Variants in POLQ observed in about 807,000 individuals in gnomAD.
The protein encoded by POLQ is epididymis secretory sperm binding protein.
A neutral mutation model predicts 259.2 loss-of-function variants in POLQ; 233 were observed. The observed-to-expected ratio is 0.90, with a 90% confidence interval of 0.81 to 1.00. The LOEUF is 1.00. POLQ is among the 50% of genes least tolerant of loss of function. The probability of loss-of-function intolerance (pLI) is 0.00; values close to 1 mark genes in which losing one functional copy is unlikely to be tolerated. For synonymous variants in POLQ, 1,025 were observed against 1,048.8 expected (o/e 0.98, Z 0.44); for missense variants, 2,871 against 3,051.6 (o/e 0.94, Z 1.39).
rs980123775 is a variant in POLQ at position 121,432,116 on chromosome 3, G to A, written c.*188C>T. ...ATACTTGGTATTCTACTTCCCCCAC[G>A]CCCCCAGAAGTTTTTGATGCTATAG... On this transcript the variant is annotated 3_prime_UTR_variant, in exon 30 of 30. Coordinates refer to ENST00000264233, the MANE Select transcript of POLQ (RefSeq NM_199420.4). 17 of 461,710 alleles carry A rather than the reference G, an allele frequency of 3.7e-5. No individual in the cohort carries two copies. Among genetic ancestry groups the A allele is most frequent in the Admixed American group, 3.4e-4 (8 of 23,268 alleles). The allele number at this position is 461,710 out of a possible 1,614,324, so 28.6% of individuals were successfully genotyped here.
chr3:121,455,030 G>A (rs945671758), intron 25 of POLQ, among the ~76,000 whole-genome samples: 1 of 152,036 alleles, frequency 6.6e-6, no homozygotes, highest in Non-Finnish European at 1.5e-5. Flanking sequence ...ATAATAAACT[G>A]TCTCTCAGAC....
At chr3:121,444,237 T>C (rs755488083) in intron 26 of POLQ, among the ~76,000 whole-genome samples, 3 of 152,174 alleles carry the variant, frequency 2.0e-5, no homozygotes, top group Non-Finnish European at 4.4e-5. Flanking sequence ...ACATGGAATA[T>C]TTTTTCATAT....
At position 121,476,555 on chromosome 3, in the gene POLQ, T is replaced by C. The variant is rs1191054806; in HGVS notation, c.6390A>G (p.Ser2130=). The change falls in exon 20 of 30, where the codon TCA becomes TCG. Residue 2130 remains serine, a synonymous_variant. Coordinates refer to ENST00000264233, the MANE Select transcript of POLQ (RefSeq NM_199420.4). Reference sequence around the variant, plus strand: ...ATGATACAACCTCAGCGATGTCATCTGAACTGGTGAAAGAAAAACTGTGGC... The same window carrying C: ...ATGATACAACCTCAGCGATGTCATCCGAACTGGTGAAAGAAAAACTGTGGC... ...LAGHSFSFTS[S]DDIAEVLFLE... The C allele has an allele frequency of 6.2e-6, 10 of 1,613,106 alleles. No individual in the cohort carries two copies. The highest frequency in any genetic ancestry group is 2.7e-5 in the African/African-American group (2 of 74,866).
intron 12 of POLQ, among the ~76,000 whole-genome samples, chr3:121,508,016 A>ATTTTTTTTTTTTTTTTTTTT (rs4048669): frequency 2.3e-5 from 3 of 129,648 alleles, no homozygotes; most frequent in Non-Finnish European, 4.7e-5. Flanking sequence ...ACCATACACA[A>ATTTTTTTTTTTTTTTTTTTT]TTTTTTTTTT....
intron 6 of POLQ, 26 bp from the exon 7 acceptor site, chr3:121,529,818 T>G: frequency 6.4e-7 from 1 of 1,560,354 alleles, no homozygotes; most frequent in Non-Finnish European, 8.7e-7. Flanking sequence ...AAATAACCAC[T>G]TTAGTGGTCC....
intron 24 of POLQ, among the ~76,000 whole-genome samples, chr3:121,462,264 GA>G (rs201291140): frequency 2.0e-4 from 30 of 148,212 alleles, no homozygotes; most frequent in East Asian, 7.8e-4. Context: ...AATTATATGG[GA>G]AAAAAAAAAT....
chr3:121,532,284 A>ATTC (rs35081424), intron 6 of POLQ, among the ~76,000 whole-genome samples: 104,660 of 151,586 alleles, frequency 0.69, 36,303 homozygotes, highest in East Asian at 0.89. Context: ...CAAAAATAAT[A>ATTC]TTTTCACTCT....
At chr3:121,466,253 G>A (rs1431048864) in intron 24 of POLQ, among the ~76,000 whole-genome samples, 1 of 145,956 alleles carries the variant, frequency 6.9e-6, no homozygotes, top group East Asian at 2.1e-4. Context: ...GAATTTCTAT[G>A]AAGGCTGAGA....
At chr3:121,463,521 T>C (rs1323206869) in intron 24 of POLQ, among the ~76,000 whole-genome samples, 1 of 152,190 alleles carries the variant, frequency 6.6e-6, no homozygotes, top group Admixed American at 6.5e-5. Context: ...ATTGCAAGTG[T>C]TTCTTTTTTG....
At chr3:121,432,843 A>G (rs2047507435) in intron 29 of POLQ, 75 bp downstream of exon 29, 4 of 883,820 alleles carry the variant, frequency 4.5e-6, no homozygotes, top group Non-Finnish European at 7.6e-6. Flanking sequence ...CCTCATGCAC[A>G]GGAAACAAAG....
intron 20 of POLQ, 83 bp downstream of exon 20, chr3:121,476,457 C>T (rs1576410279): frequency 2.6e-5 from 1 of 38,078 alleles, no homozygotes; most frequent in South Asian, 2.6e-3. Context: ...CAGGTAAATA[C>T]ACACACACAC....
At chr3:121,528,640 G>A (rs889605373) in intron 7 of POLQ, among the ~76,000 whole-genome samples, 1 of 151,976 alleles carries the variant, frequency 6.6e-6, no homozygotes, top group Non-Finnish European at 1.5e-5. Flanking sequence ...ACCACGCCTG[G>A]CAGAAATTTT....
At chr3:121,518,737 C>G (rs1340452013) in intron 9 of POLQ, among the ~76,000 whole-genome samples, 1 of 146,934 alleles carries the variant, frequency 6.8e-6, no homozygotes, top group African/African-American at 2.5e-5. Context: ...CTTCAGTAGC[C>G]ACAGAACTGT....
rs756390188 is a variant in POLQ at position 121,485,044 on chromosome 3, A to G, written c.5770T>C (p.Ser1924Pro). The change falls in exon 17 of 30, where the codon TCT (serine) becomes CCT (proline). Residue 1924 changes from serine (S) to proline (P), a missense_variant. Physicochemically the swap from Ser to Pro is moderately conservative, Grantham distance 74. Transcript: ENST00000264233. ...TAGCCAAATACTCATTACTTACCAG[A>G]ATGCTTTTGTTCCTTCTGCAGTGAA... ...YFSLQKEQKH[S>P]EISASLVPPS... 1 of 1,609,184 alleles carries G rather than the reference A, an allele frequency of 6.2e-7. No individual in the cohort carries two copies. Among genetic ancestry groups the G allele is most frequent in the Admixed American group, 1.7e-5 (1 of 58,786 alleles).
rs569673700 is a variant in POLQ, at chr3:121,481,685, C to A, written c.6098G>T (p.Gly2033Val). 1 of 1,614,092 alleles carries A rather than the reference C, an allele frequency of 6.2e-7. No homozygotes were observed. Among genetic ancestry groups the A allele is most frequent in the East Asian group, 2.2e-5 (1 of 44,870 alleles). Residue 2033 changes from glycine to valine, a missense_variant, in exon 19 of 30, where the codon GGG becomes GTG. By Grantham distance (109) the Gly-to-Val change is moderately radical (BLOSUM62 -3). Around this residue, in one of 3 missense-constraint regions of POLQ, gnomAD observed 2,080 missense variants for 2,126.0 expected, o/e 0.98. Transcript: ENST00000264233. ...AGAATGCTCACTGCCAGCATTTAGC[C>A]CCAGGCTTTGAATCCCTTGGCTGGT... ...METSQGIQSLGLNAGSEHSGR... is the reference protein window; with the variant it reads ...METSQGIQSLVLNAGSEHSGR...
intron 25 of POLQ, among the ~76,000 whole-genome samples, chr3:121,451,489 T>A (rs1026450987): frequency 1.3e-5 from 2 of 152,238 alleles, no homozygotes; most frequent in African/African-American, 4.8e-5. Context: ...TTTCTGTTTG[T>A]TAGTTTTCCT....
intron 12 of POLQ, among the ~76,000 whole-genome samples, chr3:121,501,185 T>C (rs1397898830): frequency 6.6e-6 from 1 of 151,836 alleles, no homozygotes; most frequent in Non-Finnish European, 1.5e-5. Flanking sequence ...GTCTCAAACT[T>C]CTAGGCTCAA....
chr3:121,451,403 C>T (rs1576400911), intron 25 of POLQ, among the ~76,000 whole-genome samples: 1 of 152,230 alleles, frequency 6.6e-6, no homozygotes, highest in Admixed American at 6.5e-5. Flanking sequence ...TCTGTTTTTT[C>T]CCCATCTTAG....
rs535347610 is a variant in POLQ, at chr3:121,494,990, T to C, written c.2279-1269A>G. ...AAAAAAAAAAAAAAGCATGTAAAGA[T>C]GCTGGGCGCAGTGGCTCACGCCTGT... On this transcript the variant is annotated intron_variant, in intron 14 of 29. Transcript: ENST00000264233. 2.9e-5 allele frequency: 21 copies of C among 724,130 alleles called. No homozygotes were observed. In the South Asian group the frequency reaches 4.0e-4, roughly 14 times the overall value. The allele number at this position is 724,130 out of a possible 1,614,324, so 44.9% of individuals were successfully genotyped here. A position where few individuals can be genotyped will look rare whatever the true frequency, so the allele number is the denominator to read the frequency against.
Sources: allele counts gnomAD v4.1 joint callset (sites outside exome capture counted in the v4.1 genomes callset), GRCh38; gene constraint gnomAD v4.1.1; regional missense constraint gnomAD v4.1.1; transcripts MANE v1.5; gene names NCBI Gene and HGNC (gene_info 2026-07-23, HGNC 2026-07-21).